BRINP2: variants seen among roughly 807,000 people sequenced by gnomAD.
The protein encoded by BRINP2 is BMP/retinoic acid inducible neural specific 2, also known as BMP/retinoic acid-inducible neural-specific protein 2.
A neutral mutation model predicts 69.2 loss-of-function variants in BRINP2; 21 were observed. The ratio of observed to expected loss-of-function variants is 0.30; its 90% CI spans 0.22 to 0.44. BRINP2 has a LOEUF of 0.44. Ranked by LOEUF, BRINP2 falls within the 20% of genes least tolerant of loss-of-function variation. The probability of loss-of-function intolerance (pLI) is 1.00; values close to 1 mark genes in which losing one functional copy is unlikely to be tolerated. For missense variants in BRINP2, 877 were observed against 986.0 expected (o/e 0.89, Z 1.48); for synonymous variants, 380 against 394.1 (o/e 0.96, Z 0.42).
intron 1 of BRINP2, among the ~76,000 whole-genome samples, chr1:177,218,441 C>T (rs1325325974): frequency 6.6e-6 from 1 of 152,108 alleles, no homozygotes; most frequent in African/African-American, 2.4e-5. Flanking sequence ...GAGCTTTTAC[C>T]AAAATCTGTG....
rs187467838 is a variant in BRINP2, at chr1:177,188,955, T to C, written c.-77+17223T>C. 3.1e-3 allele frequency among the ~76,000 whole-genome samples: 474 copies of C among 152,302 alleles called. 1 individual carries two copies. Among genetic ancestry groups the C allele is most frequent in the African/African-American group, 0.011 (456 of 41,572 alleles). ...CTCATATTTTCTAAGTTTCATTAGC[T>C]TGATATTTTCAAGTTAACTCAGGAC... On this transcript the variant is annotated intron_variant, in intron 1 of 7. Transcript: ENST00000361539.
At chr1:177,220,862 A>T (rs1359078494) in intron 1 of BRINP2, among the ~76,000 whole-genome samples, 1 of 152,160 alleles carries the variant, frequency 6.6e-6, no homozygotes, top group Non-Finnish European at 1.5e-5. Context: ...GGTTTTTGAG[A>T]CAGCACAGGT....
intron 2 of BRINP2, among the ~76,000 whole-genome samples, chr1:177,242,522 C>T (rs934013736): frequency 6.6e-6 from 1 of 152,154 alleles, no homozygotes; most frequent in African/African-American, 2.4e-5. Flanking sequence ...TTTATCTCCT[C>T]TGAGCTCCTT....
At chr1:177,207,975 G>T (rs1649112827) in intron 1 of BRINP2, among the ~76,000 whole-genome samples, 1 of 152,206 alleles carries the variant, frequency 6.6e-6, no homozygotes, top group Non-Finnish European at 1.5e-5. Flanking sequence ...TTAGGGTAAT[G>T]GGGGAGAAGT....
At chr1:177,263,266 T>C (rs1019044521) in intron 4 of BRINP2, among the ~76,000 whole-genome samples, 4 of 152,188 alleles carry the variant, frequency 2.6e-5, no homozygotes, top group African/African-American at 9.6e-5. Context: ...TACTATGCCC[T>C]GGAACCTAAT....
At chr1:177,228,490 A>T (rs1649767238) in intron 1 of BRINP2, among the ~76,000 whole-genome samples, 2 of 152,186 alleles carry the variant, frequency 1.3e-5, no homozygotes, top group Non-Finnish European at 2.9e-5. Context: ...GGCATAAATC[A>T]AGTACTGAAG....
intron 4 of BRINP2, among the ~76,000 whole-genome samples, chr1:177,273,052 A>C (rs1651379937): frequency 6.6e-6 from 1 of 152,198 alleles, no homozygotes; most frequent in South Asian, 2.1e-4. Flanking sequence ...ATATTTCTCT[A>C]GTGCTTTTCA....
rs1179571671 is a variant in BRINP2 at position 177,280,618 on chromosome 1, A to G, written c.1442A>G (p.Asn481Ser). The G allele has an allele frequency of 3.1e-6, 5 of 1,613,966 alleles. No homozygotes were observed. The highest frequency in any genetic ancestry group is 4.2e-6 in the Non-Finnish European group (5 of 1,180,016). The part of the protein sequence containing the change: ...PDNSTRCGSC[N>S]PGYVLAQGLC... ...AATAGCACACGCTGTGGGAGCTGCA[A>G]CCCGGGCTATGTGCTGGCCCAGGGG... Residue 481 changes from asparagine to serine, a missense_variant, in exon 8 of 8, where the codon AAC becomes AGC. Physicochemically the swap from Asn to Ser is conservative, Grantham distance 46. This residue lies in a region of BRINP2 where 566 missense variants were observed against 625.2 expected (regional missense o/e 0.91). Coordinates refer to ENST00000361539, the MANE Select transcript of BRINP2 (RefSeq NM_021165.4).
At chr1:177,242,656 A>AT (rs1368046091) in intron 2 of BRINP2, among the ~76,000 whole-genome samples, 59 of 152,202 alleles carry the variant, frequency 3.9e-4, no homozygotes, top group Middle Eastern at 3.4e-3. Context: ...ATACGAACTT[A>AT]TTTTTGTGCA....
intron 2 of BRINP2, among the ~76,000 whole-genome samples, chr1:177,234,514 C>CT (rs1649956940): frequency 6.6e-6 from 1 of 151,628 alleles, no homozygotes; most frequent in South Asian, 2.1e-4. Context: ...TTTTTTATTT[C>CT]TTTTTTGTAT....
Position 177,276,443 on chromosome 1 carries a change from C to A in BRINP2, c.1012+9C>A. The A allele has an allele frequency of 6.2e-7, 1 of 1,611,650 alleles. No homozygotes were observed. The highest frequency in any genetic ancestry group is 8.5e-7 in the Non-Finnish European group (1 of 1,177,972). On this transcript the variant is annotated intron_variant, in intron 6 of 7. Coordinates refer to ENST00000361539, the MANE Select transcript of BRINP2 (RefSeq NM_021165.4). ...GCAGTTTGAAGAGTCAGGTGAGCAG[C>A]CAGAATTCCTCCCTGTCAATGAGAG...
At chr1:177,261,510 G>A (rs752653921) in intron 4 of BRINP2, among the ~76,000 whole-genome samples, 7 of 152,178 alleles carry the variant, frequency 4.6e-5, no homozygotes, top group Non-Finnish European at 1.0e-4. Context: ...GACAACACTG[G>A]GAGGAGGTAC....
At chr1:177,203,182 G>A (rs1469611576) in intron 1 of BRINP2, among the ~76,000 whole-genome samples, 5 of 152,018 alleles carry the variant, frequency 3.3e-5, no homozygotes, top group Admixed American at 6.6e-5. Context: ...TTGTAGGGAC[G>A]TGGATGAAGC....
intron 1 of BRINP2, among the ~76,000 whole-genome samples, chr1:177,173,028 T>C (rs138957799): frequency 4.0e-4 from 61 of 152,314 alleles, no homozygotes; most frequent in African/African-American, 1.3e-3. Context: ...AACTAAAGTA[T>C]ACCAAATCCC....
intron 1 of BRINP2, among the ~76,000 whole-genome samples, chr1:177,214,290 G>A (rs1039281540): frequency 6.6e-6 from 1 of 152,056 alleles, no homozygotes; most frequent in Non-Finnish European, 1.5e-5. Flanking sequence ...AAAATTAGCC[G>A]GGCCTGGTGG....
At chr1:177,266,842 C>T (rs1482446926) in intron 4 of BRINP2, among the ~76,000 whole-genome samples, 1 of 151,652 alleles carries the variant, frequency 6.6e-6, no homozygotes, top group Non-Finnish European at 1.5e-5. Context: ...TAGTCAAATG[C>T]CCCTTTAGGG....
At chr1:177,172,379 A>G (rs1023097725) in intron 1 of BRINP2, among the ~76,000 whole-genome samples, 4 of 152,212 alleles carry the variant, frequency 2.6e-5, no homozygotes, top group African/African-American at 9.6e-5. Flanking sequence ...ATGTGCTGGT[A>G]TCATCTAGCA....
intron 1 of BRINP2, among the ~76,000 whole-genome samples, chr1:177,212,921 T>C (rs1040167737): frequency 2.0e-5 from 3 of 152,218 alleles, no homozygotes; most frequent in African/African-American, 7.2e-5. Flanking sequence ...TGGGCACTAC[T>C]GGGTATAATA....
chr1:177,235,660 C>G (rs147917703), intron 2 of BRINP2, among the ~76,000 whole-genome samples: 1 of 152,166 alleles, frequency 6.6e-6, no homozygotes, highest in Non-Finnish European at 1.5e-5. Context: ...GGATAAACAG[C>G]GAACCCTGGG....
Sources: allele counts gnomAD v4.1 joint callset (sites outside exome capture counted in the v4.1 genomes callset), GRCh38; gene constraint gnomAD v4.1.1; regional missense constraint gnomAD v4.1.1; transcripts MANE v1.5; gene names NCBI Gene and HGNC (gene_info 2026-07-23, HGNC 2026-07-21).